GABRR1: variants seen among roughly 807,000 people sequenced by gnomAD.
GABRR1 encodes the protein gamma-aminobutyric acid type A receptor subunit rho1.
In GABRR1, 59 loss-of-function variants were observed where a neutral mutation model predicts 55.5. That is an observed-to-expected ratio of 1.06 (90% CI 0.86 to 1.32). The LOEUF (loss-of-function observed/expected upper bound fraction) is 1.32. Among genes scored for constraint, GABRR1 ranks in the 40% most tolerant of loss-of-function variants. GABRR1 has a pLI of 0.00. For missense variants in GABRR1, 602 were observed against 619.1 expected (o/e 0.97, Z 0.29); for synonymous variants, 213 against 226.0 (o/e 0.94, Z 0.51).
chr6:89,218,879 T>C (rs1773067646), upstream of GABRR1, among the ~76,000 whole-genome samples: 1 of 152,142 alleles, frequency 6.6e-6, no homozygotes, highest in Non-Finnish European at 1.5e-5. Flanking sequence ...CTGAAACCTC[T>C]AGAAGAAAGG....
chr6:89,196,050 C>G (rs1582388120), intron 5 of GABRR1, among the ~76,000 whole-genome samples: 1 of 152,226 alleles, frequency 6.6e-6, no homozygotes, highest in African/African-American at 2.4e-5. Context: ...TCATCCAATT[C>G]AGCAAAGAAG....
intron 1 of GABRR1, among the ~76,000 whole-genome samples, chr6:89,229,518 A>T (rs1418713933): frequency 8.7e-5 from 13 of 148,728 alleles, no homozygotes; most frequent in African/African-American, 3.2e-4. Context: ...TCCTTCACTT[A>T]TGAAGCTTAG....
At chr6:89,180,520 G>C (rs1771685984) in intron 8 of GABRR1, 32 bp from the exon 9 acceptor site, 3 of 1,606,598 alleles carry the variant, frequency 1.9e-6, no homozygotes, top group Admixed American at 1.7e-5. Context: ...ACAAGTGTTT[G>C]CTTGTCTTTC....
At chr6:89,181,136 T>C (rs1318946938) in intron 8 of GABRR1, among the ~76,000 whole-genome samples, 2 of 152,226 alleles carry the variant, frequency 1.3e-5, no homozygotes, top group Admixed American at 6.5e-5. Context: ...ATGGAACAAC[T>C]GTTAGAGGAC....
intron 1 of GABRR1, among the ~76,000 whole-genome samples, chr6:89,208,081 G>A (rs923984629): frequency 1.3e-5 from 2 of 152,222 alleles, no homozygotes; most frequent in Admixed American, 6.5e-5. Context: ...CGCTGCTCTA[G>A]TCCTGTTGGC....
At chr6:89,180,216 G>A in intron 9 of GABRR1, 76 bp downstream of exon 9, 2 of 1,504,798 alleles carry the variant, frequency 1.3e-6, no homozygotes, top group Non-Finnish European at 1.8e-6. Flanking sequence ...TACAGAGAAG[G>A]TCTGCCCTGC....
At chr6:89,199,330 C>T (rs1348512715) in intron 4 of GABRR1, 32 bp downstream of exon 4, 1 of 1,606,580 alleles carries the variant, frequency 6.2e-7, no homozygotes. Context: ...TGTGAATCCC[C>T]CTGCCACGGC....
At chr6:89,186,992 G>A (rs1771922422) in intron 6 of GABRR1, among the ~76,000 whole-genome samples, 1 of 152,208 alleles carries the variant, frequency 6.6e-6, no homozygotes, top group Admixed American at 6.5e-5. Flanking sequence ...CTGATAAAGT[G>A]CCCTGGAACA....
chr6:89,216,808 G>C (rs1772994693), intron 1 of GABRR1, among the ~76,000 whole-genome samples: 1 of 152,180 alleles, frequency 6.6e-6, no homozygotes, highest in Non-Finnish European at 1.5e-5. Flanking sequence ...AATTAGAGCA[G>C]AATCATTCTC....
intron 7 of GABRR1, 115 bp from the exon 8 acceptor site, chr6:89,182,172 A>T: frequency 1.1e-6 from 1 of 937,332 alleles, no homozygotes; most frequent in East Asian, 2.5e-5. Context: ...TCATGTCTTT[A>T]TAAGGTGAAA....
intron 1 of GABRR1, among the ~76,000 whole-genome samples, chr6:89,228,891 G>A (rs1269343329): frequency 2.0e-5 from 3 of 151,170 alleles, no homozygotes; most frequent in Non-Finnish European, 4.4e-5. Context: ...TAATGTGTGG[G>A]AGTCTAAGTC....
At chr6:89,194,930 C>A (rs1241849947) in intron 5 of GABRR1, among the ~76,000 whole-genome samples, 1 of 152,054 alleles carries the variant, frequency 6.6e-6, no homozygotes, top group Admixed American at 6.5e-5. Flanking sequence ...TATTGGTGTT[C>A]AAGACAGAGC....
At chr6:89,187,203 T>TGG (rs111885010) in intron 6 of GABRR1, among the ~76,000 whole-genome samples, 1,767 of 151,380 alleles carry the variant, frequency 0.012, 25 homozygotes, top group Non-Finnish European at 0.015. Context: ...GCCTGGTTTC[T>TGG]GGGGGGTGTG....
intron 5 of GABRR1, among the ~76,000 whole-genome samples, chr6:89,197,349 T>C (rs907363698): frequency 3.9e-5 from 6 of 152,210 alleles, no homozygotes; most frequent in African/African-American, 1.4e-4. Context: ...ATCCCTTCTC[T>C]GTGAAGGCCT....
At chr6:89,221,053 C>A (rs1318609443), upstream of GABRR1, among the ~76,000 whole-genome samples, 2 of 152,062 alleles carry the variant, frequency 1.3e-5, no homozygotes, top group Non-Finnish European at 2.9e-5. Flanking sequence ...CTCTTCTTTT[C>A]CTTTATTGAG....
chr6:89,195,636 T>C (rs1443919199), intron 5 of GABRR1, among the ~76,000 whole-genome samples: 2 of 152,218 alleles, frequency 1.3e-5, no homozygotes, highest in African/African-American at 4.8e-5. Flanking sequence ...CTTTTCCAGA[T>C]AGACAAAAGC....
intron 9 of GABRR1, among the ~76,000 whole-genome samples, chr6:89,179,557 AC>A (rs1236604533): frequency 6.6e-6 from 1 of 152,228 alleles, no homozygotes; most frequent in East Asian, 1.9e-4. Flanking sequence ...CTACATACTG[AC>A]TCTTAGAAAA....
At chr6:89,190,981 T>C (rs1255531950) in intron 5 of GABRR1, among the ~76,000 whole-genome samples, 1 of 152,254 alleles carries the variant, frequency 6.6e-6, no homozygotes, top group Non-Finnish European at 1.5e-5. Flanking sequence ...CAGGACACGA[T>C]TAACATTTGT....
chr6:89,209,904 A>C (rs1275980237), intron 1 of GABRR1, among the ~76,000 whole-genome samples: 2 of 152,318 alleles, frequency 1.3e-5, no homozygotes, highest in African/African-American at 4.8e-5. Flanking sequence ...AGAAAATGTT[A>C]ATTTGAACCA....
Sources: gnomAD v4.1 joint callset for allele counts (sites outside exome capture counted in the v4.1 genomes callset) on GRCh38, gnomAD v4.1.1 for gene constraint, MANE v1.5 for transcripts, NCBI Gene and HGNC (gene_info 2026-07-23, HGNC 2026-07-21) for gene names.